The following LMTK3 variants were observed in gnomAD, a reference collection of about 807,000 sequenced individuals.
LMTK3 encodes the protein lemur tail kinase 3.
In LMTK3, 27 loss-of-function variants were observed where a neutral mutation model predicts 116.7. The observed-to-expected ratio is 0.23, with a 90% CI of 0.17 to 0.32. The LOEUF is 0.32. Among genes scored for constraint, LMTK3 ranks in the 10% least tolerant of loss-of-function variants. LMTK3 has a pLI of 1.00. For synonymous variants in LMTK3, 965 were observed against 971.0 expected, an observed-to-expected ratio of 0.99 and a Z score of 0.11; for missense variants, 1,764 against 2,068.5, an observed-to-expected ratio of 0.85 and a Z score of 2.86.
intron 7 of LMTK3, 43 bp from the exon 8 acceptor site, chr19:48,501,605 C>T (rs967071384): frequency 8.4e-6 from 13 of 1,547,734 alleles, no homozygotes; most frequent in African/African-American, 1.4e-5. Context: ...GGCAGCCCTC[C>T]AGCCACGCCC....
Position 48,501,093 on chromosome 19 carries a change from G to C in LMTK3, c.1054C>G (p.Arg352Gly). ...ELFEFGAQPY[R>G]HLSDEEVLAF... ...AGGACCTCCTCGTCTGACAGGTGGC[G>C]GTAGGGCTGGGCCCCAAACTCAAAC... is the stretch of plus-strand genomic sequence containing the variant. The change falls in exon 10 of 15, where the codon CGC becomes GGC. Residue 352 changes from arginine to glycine, a missense_variant. By Grantham distance (125) the Arg-to-Gly change is moderately radical. Coordinates refer to ENST00000600059, the MANE Select transcript of LMTK3 (RefSeq NM_001388485.1). 1 of 1,593,316 alleles carries C rather than the reference G, an allele frequency of 6.3e-7. No homozygotes were observed. The highest frequency in any genetic ancestry group is 1.1e-5 in the South Asian group (1 of 88,486).
At chr19:48,509,319 G>A (rs1387848636) in intron 4 of LMTK3, 118 bp downstream of exon 4, 1 of 888,338 alleles carries the variant, frequency 1.1e-6, no homozygotes, top group African/African-American at 1.7e-5. Flanking sequence ...GGAGGCTGAG[G>A]GGGCATGGGG....
Position 48,510,108 on chromosome 19 carries a change from G to A in LMTK3, c.276C>T (p.Ser92=), listed in dbSNP as rs1307703873. 1 of 1,613,980 alleles carries A rather than the reference G, an allele frequency of 6.2e-7. No individual in the cohort carries two copies. The highest frequency in any genetic ancestry group is 1.1e-5 in the South Asian group (1 of 91,074). The change falls in exon 3 of 15, where the codon TCC becomes TCT. Residue 92 remains serine, a synonymous_variant. Coordinates refer to ENST00000600059, the MANE Select transcript of LMTK3 (RefSeq NM_001388485.1). ...AGACATCAGGCAGCGACTGTGAGGA[G>A]GAGGTCTCCTCCGCAGGGGGAGTGT... ...GEYTPPAEET[S]SSQSLPDVYI...
At position 48,485,769 on chromosome 19, in the gene LMTK3, G is replaced by A. The variant is rs775284221; in HGVS notation, c.*4C>T. ...GGGTGCAGCGGGGTCGGGTCTTCGG[G>A]GAATCAATTCTCCACGGGGCCTGAG... On this transcript the variant is annotated 3_prime_UTR_variant, in exon 15 of 15. Coordinates refer to ENST00000600059, the MANE Select transcript of LMTK3 (RefSeq NM_001388485.1). 6.2e-7 allele frequency: 1 copy of A among 1,610,850 alleles called. No homozygotes were observed. Among genetic ancestry groups the A allele is most frequent in the Non-Finnish European group, 8.5e-7 (1 of 1,178,776 alleles).
At position 48,500,349 on chromosome 19, in the gene LMTK3, G is replaced by A. The variant is rs548019228; in HGVS notation, c.1152-432C>T. 3.9e-5 allele frequency among the ~76,000 whole-genome samples: 6 copies of A among 152,248 alleles called. No homozygotes were observed. In the South Asian group the frequency reaches 8.3e-4, roughly 21 times the overall value. ...TGAGGCAGGAGAACCGCTTGAACCC[G>A]GGAGGCGGAGGTTGCAGTGAGCCAA... is the stretch of plus-strand genomic sequence containing the variant. On this transcript the variant is annotated intron_variant, in intron 10 of 14. Transcript: ENST00000600059. This position sits in a 1 kb window ranked among gnomAD's most constrained non-coding sequence, Gnocchi z 4.0.
At position 48,491,194 on chromosome 19, in the gene LMTK3, G is replaced by T; in HGVS notation, c.4280C>A (p.Pro1427His). 7.1e-7 allele frequency: 1 copy of T among 1,405,480 alleles called. No homozygotes were observed. Among genetic ancestry groups the T allele is most frequent in the Non-Finnish European group, 9.3e-7 (1 of 1,077,280 alleles). 87.1% of individuals were successfully genotyped at this position (1,405,480 alleles called of 1,614,324 possible). Residue 1427 changes from proline (P) to histidine (H), a missense_variant, in exon 14 of 15, where the codon CCC becomes CAC. Coordinates refer to ENST00000600059, the MANE Select transcript of LMTK3 (RefSeq NM_001388485.1). The surrounding 1 kb of genome is among the most constrained non-coding windows in gnomAD (Gnocchi z 5.1). ...EDFPLLPPPG[P>H]PLCFSRFSVS... ...GGAGAAGCGGGAGAAGCACAGCGGG[G>T]GGCCTGGAGGGGGGAGGAGGGGGAA...
chr19:48,500,029 AGACCCAGAGAGAGGGGG>A lies in LMTK3; in HGVS notation c.1152-129_1152-113del, dbSNP rs1197869437. 2.7e-5 allele frequency: 28 copies of A among 1,021,740 alleles called. 1 individual carries two copies. Among genetic ancestry groups the A allele is most frequent in the Middle Eastern group, 3.3e-4 (1 of 3,044 alleles). The allele number at this position is 1,021,740 out of a possible 1,614,324, so 63.3% of individuals were successfully genotyped here. On this transcript the variant is annotated intron_variant, in intron 10 of 14. Coordinates refer to ENST00000600059, the MANE Select transcript of LMTK3 (RefSeq NM_001388485.1). This position sits in a 1 kb window ranked among gnomAD's most constrained non-coding sequence, Gnocchi z 4.0. ...GGGACAGAGACCCAGAGGGTAACAG[AGACCCAGAGAGAGGGGG>A]ACAGAGACCCAGAGAGAGGGGGACA...
At chr19:48,505,836 G>A (rs910175013) in intron 5 of LMTK3, among the ~76,000 whole-genome samples, 1 of 148,272 alleles carries the variant, frequency 6.7e-6, no homozygotes, top group Non-Finnish European at 1.5e-5. Context: ...ACTCCAGCCT[G>A]GGCAACAAGA....
intron 12 of LMTK3, among the ~76,000 whole-genome samples, chr19:48,493,023 A>C (rs945375278): frequency 1.4e-5 from 2 of 144,760 alleles, no homozygotes; most frequent in Non-Finnish European, 3.0e-5. Flanking sequence ...CCCCGCCTTC[A>C]CCCCTCAGGC....
At position 48,485,460 on chromosome 19, in the gene LMTK3, C is replaced by G. The variant is rs1207679543; in HGVS notation, c.*313G>C. On this transcript the variant is annotated 3_prime_UTR_variant, in exon 15 of 15. Coordinates refer to ENST00000600059, the MANE Select transcript of LMTK3 (RefSeq NM_001388485.1). Reference sequence around the variant, plus strand: ...GGGTGAGGAGGGACCTCCGCTGTGTCGAGGGGCTCCAGGCCCAAAAGAGTT... The same window carrying G: ...GGGTGAGGAGGGACCTCCGCTGTGTGGAGGGGCTCCAGGCCCAAAAGAGTT... 2 of 372,292 alleles carry G rather than the reference C, an allele frequency of 5.4e-6. No individual in the cohort carries two copies. The highest frequency in any genetic ancestry group is 4.3e-5 in the African/African-American group (2 of 46,244). 23.1% of individuals were successfully genotyped at this position (372,292 alleles called of 1,614,324 possible). A position where few individuals can be genotyped will look rare whatever the true frequency, so the allele number is the denominator to read the frequency against.
intron 12 of LMTK3, among the ~76,000 whole-genome samples, chr19:48,492,139 C>T (rs1972237886): frequency 2.0e-5 from 3 of 152,180 alleles, no homozygotes. Context: ...AGACAAGGTC[C>T]CAGTTCCTCA....
At position 48,497,466 on chromosome 19, in the gene LMTK3, C is replaced by T; in HGVS notation, c.3603G>A (p.Glu1201=). ...LSGDGDPPKP[E]RKGPEMPRLF... is the part of the protein sequence containing the mutation. ...GTCGTGGCATCTCGGGGCCCTTCCT[C>T]TCGGGCTTGGGGGGGTCCCCGTCTC... is the stretch of plus-strand genomic sequence containing the variant. Residue 1201 remains glutamate (E), a synonymous_variant, in exon 11 of 15, where the codon GAG becomes GAA. Transcript: ENST00000600059. The surrounding 1 kb of genome is among the most constrained non-coding windows in gnomAD (Gnocchi z 5.7). 6.6e-7 allele frequency: 1 copy of T among 1,525,012 alleles called. No individual in the cohort carries two copies. Among genetic ancestry groups the T allele is most frequent in the Non-Finnish European group, 8.8e-7 (1 of 1,139,512 alleles). 94.5% of individuals were successfully genotyped at this position (1,525,012 alleles called of 1,614,324 possible). A position where few individuals can be genotyped will look rare whatever the true frequency, so the allele number is the denominator to read the frequency against.
chr19:48,509,017 C>G lies in LMTK3; in HGVS notation c.439-48G>C, dbSNP rs753550299. 4 of 1,327,024 alleles carry G rather than the reference C, an allele frequency of 3.0e-6. No individual in the cohort carries two copies. In the South Asian group the frequency reaches 3.9e-5, roughly 13 times the overall value. 82.2% of individuals were successfully genotyped at this position (1,327,024 alleles called of 1,614,324 possible). ...TCAGCGAGTGCCGTTTCCCCAGCCCCGTCCCCTGGGACCAGCTCCACTCCA... is the reference window on the plus strand; with the variant it reads ...TCAGCGAGTGCCGTTTCCCCAGCCCGGTCCCCTGGGACCAGCTCCACTCCA... On this transcript the variant is annotated intron_variant, in intron 4 of 14. Coordinates refer to ENST00000600059, the MANE Select transcript of LMTK3 (RefSeq NM_001388485.1).
intron 6 of LMTK3, 130 bp downstream of exon 6, chr19:48,502,779 A>G: frequency 3.5e-6 from 3 of 866,104 alleles, no homozygotes; most frequent in Non-Finnish European, 5.4e-6. Context: ...GCACTCATGA[A>G]ATGTTAGCGC....
In LMTK3 at chr19:48,498,881, G is replaced by C. The variant is rs984263468; in HGVS notation, c.2188C>G (p.Pro730Ala). The C allele has an allele frequency of 5.8e-5, 70 of 1,200,210 alleles. No individual in the cohort carries two copies. Among genetic ancestry groups the C allele is most frequent in the Middle Eastern group, 6.1e-4 (2 of 3,288 alleles). The allele number at this position is 1,200,210 out of a possible 1,614,324, so 74.3% of individuals were successfully genotyped here. A position where few individuals can be genotyped will look rare whatever the true frequency, so the allele number is the denominator to read the frequency against. The stretch of plus-strand genomic sequence containing the variant: ...CCCATGAGGGGGTCCAGAAACTCGG[G>C]GGGGGCCGAGGCGGGGGGGGCCATG... ...LPMAPPASAP[P>A]EFLDPLMGAA... Residue 730 changes from proline (P) to alanine (A), a missense_variant, in exon 11 of 15, where the codon CCC becomes GCC. Pro to Ala is a conservative substitution (Grantham distance 27, BLOSUM62 -1). This residue lies in a region of LMTK3 where 1,028 missense variants were observed against 1,050.6 expected (regional missense o/e 0.98). Coordinates refer to ENST00000600059, the MANE Select transcript of LMTK3 (RefSeq NM_001388485.1).
rs760344922 is a variant in LMTK3, at chr19:48,495,015, G to GTTTT, written c.3677-910_3677-907dup. ...GCTTCATAGAGGGAGTGTTTTTTTT[G>GTTTT]TTTTTTTTTTTGAAATGAAGTCTTG... On this transcript the variant is annotated intron_variant, in intron 11 of 14. Coordinates refer to ENST00000600059, the MANE Select transcript of LMTK3 (RefSeq NM_001388485.1). 0.013 allele frequency among the ~76,000 whole-genome samples: 1,845 copies of GTTTT among 144,182 alleles called. 29 individuals are homozygous for GTTTT. The Middle Eastern group carries it at 0.13, about 10-fold the overall frequency. The allele number at this position is 144,182 out of a possible 152,430, so 94.6% of individuals were successfully genotyped here. A position where few individuals can be genotyped will look rare whatever the true frequency, so the allele number is the denominator to read the frequency against.
In LMTK3 at chr19:48,499,015, C is replaced by G. The variant is rs1217484749; in HGVS notation, c.2054G>C (p.Arg685Pro). ...EGACSCLPLE[R>P]GDAVAGWGGH... is the part of the protein sequence containing the mutation. Reference sequence around the variant, plus strand: ...TCCCCAGCCTGCTACGGCGTCCCCCCGCTCCAGTGGCAGGCAGGAGCAGGC... The same window carrying G: ...TCCCCAGCCTGCTACGGCGTCCCCCGGCTCCAGTGGCAGGCAGGAGCAGGC... The change falls in exon 11 of 15, where the codon CGG (arginine) becomes CCG (proline). Residue 685 changes from arginine (R) to proline (P), a missense_variant. Physicochemically the swap from Arg to Pro is moderately radical, Grantham distance 103. This residue lies in a region of LMTK3 where 1,028 missense variants were observed against 1,050.6 expected (regional missense o/e 0.98). Coordinates refer to ENST00000600059, the MANE Select transcript of LMTK3 (RefSeq NM_001388485.1). The G allele has an allele frequency of 1.4e-6, 2 of 1,440,988 alleles. No individual in the cohort carries two copies. The highest frequency in any genetic ancestry group is 1.8e-6 in the Non-Finnish European group (2 of 1,095,674). The allele number at this position is 1,440,988 out of a possible 1,614,324, so 89.3% of individuals were successfully genotyped here.
intron 5 of LMTK3, 21 bp downstream of exon 5, chr19:48,508,830 C>A: frequency 1.9e-6 from 3 of 1,556,392 alleles, no homozygotes; most frequent in South Asian, 1.1e-5. Flanking sequence ...AGGCACACAC[C>A]CACTGAGAAA....
At position 48,498,357 on chromosome 19, in the gene LMTK3, G is replaced by C. The variant is rs370333957; in HGVS notation, c.2712C>G (p.Asn904Lys). 3 of 1,612,796 alleles carry C rather than the reference G, an allele frequency of 1.9e-6. No individual in the cohort carries two copies. Among genetic ancestry groups the C allele is most frequent in the Non-Finnish European group, 2.5e-6 (3 of 1,179,696 alleles). Reference protein sequence around the residue: ...PGNREKVPGLNRDPTVLGNGK... With the variant: ...PGNREKVPGLKRDPTVLGNGK... ...CGTTGCCCAGGACTGTCGGGTCCCT[G>C]TTCAGGCCCGGGACTTTCTCTCTGT... The change falls in exon 11 of 15, where the codon AAC (asparagine) becomes AAG (lysine). Residue 904 changes from asparagine to lysine, a missense_variant. By Grantham distance (94) the Asn-to-Lys change is moderately conservative. Around this residue, in one of 7 missense-constraint regions of LMTK3, gnomAD observed 1,028 missense variants for 1,050.6 expected, o/e 0.98. Transcript: ENST00000600059.
Sources: gnomAD v4.1 joint callset for allele counts (sites outside exome capture counted in the v4.1 genomes callset) on GRCh38, gnomAD v4.1.1 for gene constraint, gnomAD v4.1.1 regional missense constraint, Gnocchi (gnomAD v3.1) non-coding constraint, MANE v1.5 for transcripts, NCBI Gene and HGNC (gene_info 2026-07-23, HGNC 2026-07-21) for gene names.